DNAH14: variants seen among roughly 807,000 people sequenced by gnomAD.
DNAH14 encodes dynein axonemal heavy chain 14, also known as axonemal beta dynein heavy chain 14.
A neutral mutation model predicts 520.9 loss-of-function variants in DNAH14; 478 were observed. That is an observed-to-expected ratio of 0.92 (90% confidence interval 0.85 to 0.99). The LOEUF (loss-of-function observed/expected upper bound fraction) is 0.99, where lower values mean the gene tolerates loss of function less well. Among genes scored for constraint, DNAH14 ranks in the 50% least tolerant of loss-of-function variants. The pLI, the probability that DNAH14 is intolerant of heterozygous loss-of-function variation, is 0.00. For synonymous variants in DNAH14, 1,581 were observed against 1,757.2 expected, an observed-to-expected ratio of 0.90 and a Z score of 2.51; for missense variants, 4,831 against 5,234.5, an observed-to-expected ratio of 0.92 and a Z score of 2.38.
intron 29 of DNAH14, among the ~76,000 whole-genome samples, 200 bp from the exon 30 acceptor site, chr1:225,145,126 T>C (rs1242622347): frequency 6.6e-6 from 1 of 152,228 alleles, no homozygotes; most frequent in Non-Finnish European, 1.5e-5. Flanking sequence ...CTCTATAAAC[T>C]AATCAACTGA....
At chr1:225,017,103 T>C (rs80293531) in intron 10 of DNAH14, among the ~76,000 whole-genome samples, 1 of 152,044 alleles carries the variant, frequency 6.6e-6, no homozygotes. Context: ...GGAGGTGACA[T>C]AGTTTCTTGT....
At chr1:225,173,433 T>C (rs1173977886) in intron 36 of DNAH14, among the ~76,000 whole-genome samples, 1 of 152,020 alleles carries the variant, frequency 6.6e-6, no homozygotes, top group African/African-American at 2.4e-5. Context: ...AACAGCCCCA[T>C]CAAAAAGTGG....
intron 31 of DNAH14, among the ~76,000 whole-genome samples, chr1:225,148,671 AT>A (rs2080193735): frequency 6.6e-6 from 1 of 152,040 alleles, no homozygotes; most frequent in Non-Finnish European, 1.5e-5. Flanking sequence ...AAGTGCTGGG[AT>A]TACAGGCATG....
chr1:225,080,284 G>T, intron 18 of DNAH14, 95 bp from the exon 19 acceptor site: 1 of 1,256,306 alleles, frequency 8.0e-7, no homozygotes. Context: ...TCAGGTAAAA[G>T]CCTAGATTAT....
intron 38 of DNAH14, among the ~76,000 whole-genome samples, chr1:225,193,936 A>G (rs1250008906): frequency 6.6e-6 from 1 of 152,108 alleles, no homozygotes; most frequent in Admixed American, 6.6e-5. Flanking sequence ...TAAGAACACA[A>G]TCTCATTCAC....
chr1:224,931,951 T>C (rs1361393328), intron 1 of DNAH14, among the ~76,000 whole-genome samples: 1 of 152,200 alleles, frequency 6.6e-6, no homozygotes, highest in African/African-American at 2.4e-5. Flanking sequence ...ATTGATTTCT[T>C]TTACTTTGGT....
chr1:225,182,076 G>A (rs2084093394), intron 36 of DNAH14, among the ~76,000 whole-genome samples: 1 of 152,146 alleles, frequency 6.6e-6, no homozygotes, highest in African/African-American at 2.4e-5. Context: ...GCATGCGCCT[G>A]TAATCCCAGC....
rs1207412974 is a variant in DNAH14, at chr1:225,277,514, A to C, written c.8271+12A>C. ...GTCACATGTTACTGGTAGGAATTTA[A>C]ATTTTTCAAGTGGTTTTAAGTTTAC... On this transcript the variant is annotated intron_variant, in intron 54 of 85. Transcript: ENST00000682510. 6.4e-6 allele frequency: 3 copies of C among 470,716 alleles called. No individual in the cohort carries two copies. The highest frequency in any genetic ancestry group is 1.3e-5 in the Non-Finnish European group (3 of 226,900). 29.2% of individuals were successfully genotyped at this position (470,716 alleles called of 1,614,324 possible).
intron 10 of DNAH14, among the ~76,000 whole-genome samples, chr1:225,011,242 A>G (rs566985641): frequency 2.6e-5 from 4 of 152,286 alleles, no homozygotes; most frequent in South Asian, 2.1e-4. Flanking sequence ...ATTTATTGCT[A>G]TAAACTTCCC....
At position 225,153,958 on chromosome 1, in the gene DNAH14, G is replaced by T. The variant is rs561988767; in HGVS notation, c.5273+132G>T. The T allele has an allele frequency of 7.5e-5, 41 of 549,576 alleles. No homozygotes were observed. In the South Asian group the frequency reaches 1.9e-3, roughly 25 times the overall value. The allele number at this position is 549,576 out of a possible 1,614,324, so 34.0% of individuals were successfully genotyped here. On this transcript the variant is annotated intron_variant, in intron 34 of 85. Transcript: ENST00000682510. ...GACTGTCATAGTAAAGTAAGGCAGA[G>T]ATTATTTAAGAATATGAAAGAAGAG... is the stretch of plus-strand genomic sequence containing the variant.
At chr1:224,962,432 G>A (rs1445216441) in intron 4 of DNAH14, among the ~76,000 whole-genome samples, 1 of 152,154 alleles carries the variant, frequency 6.6e-6, no homozygotes, top group Non-Finnish European at 1.5e-5. Context: ...GGAGCAAACT[G>A]CCATGTTGTA....
chr1:225,277,347 C>T (rs2093511041), intron 53 of DNAH14, 63 bp from the exon 54 acceptor site: 2 of 424,490 alleles, frequency 4.7e-6, no homozygotes, highest in African/African-American at 4.1e-5. Flanking sequence ...TATGTAAAAC[C>T]ACAATGCACG....
intron 54 of DNAH14, among the ~76,000 whole-genome samples, chr1:225,286,322 A>G (rs12741358): frequency 6.6e-6 from 1 of 152,178 alleles, no homozygotes; most frequent in Non-Finnish European, 1.5e-5. Flanking sequence ...TCACAACACA[A>G]AGGACAATGT....
chr1:225,329,050 T>G (rs894885681), intron 64 of DNAH14, among the ~76,000 whole-genome samples: 4 of 152,210 alleles, frequency 2.6e-5, no homozygotes, highest in African/African-American at 9.6e-5. Flanking sequence ...TATAATTGTG[T>G]TGTACATACC....
chr1:225,272,928 A>G, intron 51 of DNAH14, 27 bp from the exon 52 acceptor site: 1 of 1,497,000 alleles, frequency 6.7e-7, no homozygotes, highest in African/African-American at 1.4e-5. Context: ...TTTTTTTAAA[A>G]AAACGTTATT....
chr1:225,353,839 C>T lies in DNAH14; in HGVS notation c.11570C>T (p.Pro3857Leu), dbSNP rs2095399888. 6.6e-7 allele frequency: 1 copy of T among 1,521,350 alleles called. No individual in the cohort carries two copies. Among genetic ancestry groups the T allele is most frequent in the Admixed American group, 2.1e-5 (1 of 48,472 alleles). The allele number at this position is 1,521,350 out of a possible 1,614,324, so 94.2% of individuals were successfully genotyped here. Residue 3857 changes from proline (P) to leucine (L), a missense_variant, in exon 73 of 86, where the codon CCT becomes CTT. Physicochemically the swap from Pro to Leu is moderately conservative, Grantham distance 98. Coordinates refer to ENST00000682510, the MANE Select transcript of DNAH14 (RefSeq NM_001367479.1). Reference sequence around the variant, plus strand: ...AATGAAAATAAAGAAACGTGTAATCCTATAAATTTTCCCTGGGAGAAACTC... The same window carrying T: ...AATGAAAATAAAGAAACGTGTAATCTTATAAATTTTCCCTGGGAGAAACTC... The part of the protein sequence containing the change: ...LLNENKETCN[P>L]INFPWEKLTS...
At chr1:225,261,739 G>T (rs2092942872) in intron 46 of DNAH14, among the ~76,000 whole-genome samples, 2 of 151,962 alleles carry the variant, frequency 1.3e-5, no homozygotes, top group South Asian at 2.1e-4. Flanking sequence ...TTAAATAATT[G>T]GTAGAATTCA....
intron 37 of DNAH14, among the ~76,000 whole-genome samples, chr1:225,187,628 T>C (rs141716600): frequency 6.6e-6 from 1 of 152,032 alleles, no homozygotes; most frequent in East Asian, 1.9e-4. Context: ...AGGCTTTCTG[T>C]TTCTCCATAT....
chr1:225,252,473 T>G (rs980629442), intron 44 of DNAH14, 56 bp downstream of exon 44: 11 of 937,424 alleles, frequency 1.2e-5, no homozygotes, highest in Non-Finnish European at 1.8e-5. Flanking sequence ...GTATACTCTA[T>G]TCATAAAAGT....
Sources: allele counts gnomAD v4.1 joint callset (sites outside exome capture counted in the v4.1 genomes callset), GRCh38; gene constraint gnomAD v4.1.1; transcripts MANE v1.5; gene names NCBI Gene and HGNC (gene_info 2026-07-23, HGNC 2026-07-21).